Variants in RPTOR observed in about 807,000 individuals in gnomAD.
RPTOR encodes the protein regulatory-associated protein of mTOR.
RPTOR carries 21 observed loss-of-function variants against 169.9 expected under a neutral mutation model. That is an observed-to-expected ratio of 0.12 (90% CI 0.09 to 0.18). The LOEUF is 0.18. Among genes scored for constraint, RPTOR ranks in the 10% least tolerant of loss-of-function variants. RPTOR has a pLI of 1.00. For missense variants in RPTOR, 1,133 were observed against 1,855.9 expected (o/e 0.61, Z 7.16); for synonymous variants, 732 against 753.2 (o/e 0.97, Z 0.46).
At chr17:80,841,889 T>C (rs71368093) in intron 10 of RPTOR, among the ~76,000 whole-genome samples, 61,791 of 73,554 alleles carry the variant, frequency 0.84, 25,699 homozygotes, top group Admixed American at 0.88. Flanking sequence ...AGCTCACTCT[T>C]ACCGCACGGC....
chr17:80,784,683 G>C (rs1439334321), intron 6 of RPTOR, among the ~76,000 whole-genome samples: 1 of 147,094 alleles, frequency 6.8e-6, no homozygotes, highest in Non-Finnish European at 1.5e-5. Context: ...ATGAGCCACT[G>C]TGCCCGGCCT....
rs2084264916 is a variant in RPTOR, at chr17:80,545,614, A to AC, written c.-11dup. The AC allele has an allele frequency of 1.3e-6, 2 of 1,594,100 alleles. No homozygotes were observed. The highest frequency in any genetic ancestry group is 1.7e-5 in the Admixed American group (1 of 57,420). On this transcript the variant is annotated 5_prime_UTR_variant, in exon 1 of 34. Transcript: ENST00000306801. The stretch of plus-strand genomic sequence containing the variant: ...AGCGCTTGCTGCCAAGGACTCCCCC[A>AC]CCCCCTCCCCCACTGATGGAGTCCG...
chr17:80,708,797 G>T lies in RPTOR; in HGVS notation c.507+798G>T. 3.6e-6 allele frequency: 1 copy of T among 274,840 alleles called. No individual in the cohort carries two copies. Among genetic ancestry groups the T allele is most frequent in the Non-Finnish European group, 5.6e-6 (1 of 180,106 alleles). The allele number at this position is 274,840 out of a possible 1,614,324, so 17.0% of individuals were successfully genotyped here. A position where few individuals can be genotyped will look rare whatever the true frequency, so the allele number is the denominator to read the frequency against. The stretch of plus-strand genomic sequence containing the variant: ...ATGCATGAAAAGCAGTTCTTGGAGG[G>T]TGCGGTGGCCCCATATGTGCCTGAG... On this transcript the variant is annotated intron_variant, in intron 4 of 33. Coordinates refer to ENST00000306801, the MANE Select transcript of RPTOR (RefSeq NM_020761.3). This position sits in a 1 kb window ranked among gnomAD's most constrained non-coding sequence, Gnocchi z 4.2.
chr17:80,857,853 C>T lies in RPTOR; in HGVS notation c.1462C>T (p.Arg488Trp), dbSNP rs758599889. Residue 488 changes from arginine (R) to tryptophan (W), a missense_variant, in exon 13 of 34, where the codon CGG becomes TGG. Coordinates refer to ENST00000306801, the MANE Select transcript of RPTOR (RefSeq NM_020761.3). ...KLLQSSAREL[R>W]PLLVFIWAKI... ...GCTCCAGAGCTCGGCCCGAGAGCTG[C>T]GGCCACTTCTCGTTTTCATCTGGGC... 4.3e-6 allele frequency: 7 copies of T among 1,613,318 alleles called. No homozygotes were observed. The highest frequency in any genetic ancestry group is 2.2e-5 in the South Asian group (2 of 91,086).
rs1460616173 is a variant in RPTOR at position 80,694,058 on chromosome 17, A to G, written c.349-13783A>G. 2.0e-5 allele frequency among the ~76,000 whole-genome samples: 3 copies of G among 152,246 alleles called. No homozygotes were observed. The East Asian group carries it at 5.8e-4, about 29-fold the overall frequency. ...TTAGAAATTTCTTCAGAAAGTAAAG[A>G]GCGCTGTCAAGAATGCGAGCTGAAG... On this transcript the variant is annotated intron_variant, in intron 3 of 33. Coordinates refer to ENST00000306801, the MANE Select transcript of RPTOR (RefSeq NM_020761.3).
chr17:80,737,788 TTCTC>T (rs1290357621), intron 5 of RPTOR, among the ~76,000 whole-genome samples: 2 of 150,562 alleles, frequency 1.3e-5, no homozygotes, highest in African/African-American at 4.9e-5. Context: ...TATTCATTCT[TTCTC>T]TCTCTTTTTC....
At chr17:80,794,029 T>G (rs1270063456) in intron 7 of RPTOR, among the ~76,000 whole-genome samples, 2 of 152,132 alleles carry the variant, frequency 1.3e-5, no homozygotes, top group Non-Finnish European at 2.9e-5. Context: ...TTTCCAAAAC[T>G]TAAAATGTGC....
chr17:80,688,932 G>C (rs2065969322), intron 3 of RPTOR, among the ~76,000 whole-genome samples: 1 of 152,162 alleles, frequency 6.6e-6, no homozygotes, highest in Non-Finnish European at 1.5e-5. Flanking sequence ...GCCTTTTTCT[G>C]CTTTACACAA....
chr17:80,693,921 G>A (rs1458791516), intron 3 of RPTOR, among the ~76,000 whole-genome samples: 1 of 152,236 alleles, frequency 6.6e-6, no homozygotes, highest in African/African-American at 2.4e-5. Context: ...GAGCGTCCAC[G>A]CAGCCAGCAG....
chr17:80,650,246 A>C (rs952219874), intron 3 of RPTOR, among the ~76,000 whole-genome samples: 2 of 152,206 alleles, frequency 1.3e-5, no homozygotes. Context: ...TTGCTCTCCG[A>C]GGCCACCTAG....
chr17:80,817,077 T>C (rs1171254061), intron 7 of RPTOR, among the ~76,000 whole-genome samples: 1 of 151,984 alleles, frequency 6.6e-6, no homozygotes, highest in Non-Finnish European at 1.5e-5. Flanking sequence ...ACTTGGCAGG[T>C]GGGTGACTTG....
intron 11 of RPTOR, among the ~76,000 whole-genome samples, 173 bp downstream of exon 11, chr17:80,846,747 T>A (rs756915724): frequency 6.6e-6 from 1 of 152,192 alleles, no homozygotes; most frequent in Non-Finnish European, 1.5e-5. Flanking sequence ...GGCAAACGGA[T>A]CACACAGATC....
At chr17:80,691,586 C>T (rs1377073779) in intron 3 of RPTOR, among the ~76,000 whole-genome samples, 3 of 152,152 alleles carry the variant, frequency 2.0e-5, no homozygotes, top group Non-Finnish European at 4.4e-5. Context: ...GGCCCCTGAG[C>T]CTTGTGATGC....
chr17:80,765,350 T>G (rs1025435841), intron 6 of RPTOR, among the ~76,000 whole-genome samples: 1 of 152,216 alleles, frequency 6.6e-6, no homozygotes, highest in Non-Finnish European at 1.5e-5. Flanking sequence ...GTGCTTCATT[T>G]TGACTTTGCA....
At position 80,936,866 on chromosome 17, in the gene RPTOR, C is replaced by T. The variant is rs2068960800; in HGVS notation, c.2920-3630C>T. Among the ~76,000 whole-genome samples the T allele has an allele frequency of 6.6e-6, 1 of 152,220 alleles. No individual in the cohort carries two copies. Among genetic ancestry groups the T allele is most frequent in the Admixed American group, 6.5e-5 (1 of 15,284 alleles). On this transcript the variant is annotated intron_variant, in intron 24 of 33. Transcript: ENST00000306801. The surrounding 1 kb of genome is among the most constrained non-coding windows in gnomAD (Gnocchi z 4.1). ...TCCGAGCTTCATTCAGAGCTTCTCC[C>T]CCCTCCACAGCTTGGCGATTTGTGG...
At chr17:80,724,306 AAGG>A (rs1327303351) in intron 4 of RPTOR, among the ~76,000 whole-genome samples, 1 of 151,102 alleles carries the variant, frequency 6.6e-6, no homozygotes, top group Non-Finnish European at 1.5e-5. Flanking sequence ...GCCAGGATGG[AAGG>A]GTCAGGAGAG....
chr17:80,875,428 C>T (rs1567961685), intron 13 of RPTOR, among the ~76,000 whole-genome samples: 1 of 152,172 alleles, frequency 6.6e-6, no homozygotes, highest in Non-Finnish European at 1.5e-5. Flanking sequence ...AAACCTGAGA[C>T]ACAGAAGAAT....
chr17:80,728,720 T>G (rs2143195376), intron 4 of RPTOR, among the ~76,000 whole-genome samples: 1 of 150,966 alleles, frequency 6.6e-6, no homozygotes, highest in African/African-American at 2.4e-5. Context: ...TCTTTATTAA[T>G]TTTTTTTTGC....
chr17:80,679,226 G>C (rs1011234609), intron 3 of RPTOR, among the ~76,000 whole-genome samples: 4 of 152,182 alleles, frequency 2.6e-5, no homozygotes, highest in Non-Finnish European at 5.9e-5. Flanking sequence ...GCAGTGAGCC[G>C]AGATTGTGCC....
Sources: gnomAD v4.1 joint callset for allele counts (sites outside exome capture counted in the v4.1 genomes callset) on GRCh38, gnomAD v4.1.1 for gene constraint, Gnocchi (gnomAD v3.1) non-coding constraint, MANE v1.5 for transcripts, NCBI Gene and HGNC (gene_info 2026-07-23, HGNC 2026-07-21) for gene names.